Variants in LRP1B observed in about 807,000 individuals in gnomAD.
LRP1B encodes low-density lipoprotein receptor-related protein 1B.
A neutral mutation model predicts 556.6 loss-of-function variants in LRP1B; 217 were observed. That is an observed-to-expected ratio of 0.39 (90% CI 0.35 to 0.44). The LOEUF (loss-of-function observed/expected upper bound fraction) is 0.44. LRP1B is among the 20% of genes least tolerant of loss of function. LRP1B has a pLI of 1.00. For synonymous variants in LRP1B, 2,047 were observed against 1,865.8 expected, an observed-to-expected ratio of 1.10 and a Z score of -2.50; for missense variants, 5,053 against 5,620.8, an observed-to-expected ratio of 0.90 and a Z score of 3.23.
chr2:141,353,126 A>C (rs1282582343), intron 3 of LRP1B, among the ~76,000 whole-genome samples: 4 of 151,934 alleles, frequency 2.6e-5, no homozygotes, highest in Admixed American at 2.6e-4. Flanking sequence ...TCTTGTGGAC[A>C]CAGAAAGATC....
At chr2:141,480,606 T>C (rs1682881984) in intron 2 of LRP1B, 73 bp from the exon 3 acceptor site, 1 of 1,431,542 alleles carries the variant, frequency 7.0e-7, no homozygotes, top group Non-Finnish European at 9.9e-7. Context: ...GCACAAGAAA[T>C]TACTAGCATT....
At chr2:140,971,594 T>A (rs1194488292) in intron 18 of LRP1B, among the ~76,000 whole-genome samples, 1 of 152,134 alleles carries the variant, frequency 6.6e-6, no homozygotes, top group Non-Finnish European at 1.5e-5. Flanking sequence ...TCCCAGCACT[T>A]TGGGAGATGG....
intron 60 of LRP1B, among the ~76,000 whole-genome samples, chr2:140,471,757 C>T (rs948063464): frequency 6.6e-6 from 1 of 152,164 alleles, no homozygotes. Context: ...TCAATAGCTC[C>T]CTGTGACCTA....
At chr2:141,464,557 C>T (rs1419939289) in intron 3 of LRP1B, among the ~76,000 whole-genome samples, 2 of 143,320 alleles carry the variant, frequency 1.4e-5, no homozygotes, top group Non-Finnish European at 3.0e-5. Context: ...GGACTACAGT[C>T]GCCCGCCACC....
At position 140,442,580 on chromosome 2, in the gene LRP1B, C is replaced by T. The variant is rs1208286951; in HGVS notation, c.10338G>A (p.Thr3446=). The T allele has an allele frequency of 3.7e-6, 6 of 1,613,934 alleles. No homozygotes were observed. The highest frequency in any genetic ancestry group is 2.2e-5 in the East Asian group (1 of 44,858). Residue 3446 remains threonine (T), a synonymous_variant, in exon 66 of 91, where the codon ACG becomes ACA. Transcript: ENST00000389484. ...CCCACAGCTTGGAAATGCAATGCTTCGTAGTCTTACACTGGAAATAGTCTG... is the reference window on the plus strand; with the variant it reads ...CCCACAGCTTGGAAATGCAATGCTTTGTAGTCTTACACTGGAAATAGTCTG... ...CSPDYFQCKT[T]KHCISKLWVC...
chr2:140,677,965 T>C (rs1685731959), intron 41 of LRP1B, among the ~76,000 whole-genome samples: 1 of 151,920 alleles, frequency 6.6e-6, no homozygotes, highest in South Asian at 2.1e-4. Context: ...ACTTGCTATG[T>C]TGTGATGGGT....
chr2:141,480,552 G>A lies in LRP1B; in HGVS notation c.206-19C>T, dbSNP rs754926947. 1 of 1,613,182 alleles carries A rather than the reference G, an allele frequency of 6.2e-7. No individual in the cohort carries two copies. Among genetic ancestry groups the A allele is most frequent in the South Asian group, 1.1e-5 (1 of 91,056 alleles). ...TCGGGACCTGAAAAGATGTAAAAAA[G>A]AACAGAATTATGTGTTAGCTTTTCT... On this transcript the variant is annotated intron_variant, in intron 2 of 90. Coordinates refer to ENST00000389484, the MANE Select transcript of LRP1B (RefSeq NM_018557.3).
chr2:140,350,914 C>T lies in LRP1B; in HGVS notation c.11775G>A (p.Gly3925=), dbSNP rs2105116126. 6.2e-7 allele frequency: 1 copy of T among 1,611,144 alleles called. No homozygotes were observed. Among genetic ancestry groups the T allele is most frequent in the South Asian group, 1.1e-5 (1 of 90,974 alleles). ...TATCTCTTTGATAATATACATCCAT[C>T]CCTGTTATTCTTGAATTATGTTCAA... is the stretch of plus-strand genomic sequence containing the variant. ...SHIEHNSRIT[G]MDVYYQRDMI... Residue 3925 remains glycine, a synonymous_variant, in exon 77 of 91, where the codon GGG becomes GGA. Coordinates refer to ENST00000389484, the MANE Select transcript of LRP1B (RefSeq NM_018557.3).
At chr2:141,666,942 T>C (rs1574217024) in intron 2 of LRP1B, among the ~76,000 whole-genome samples, 1 of 152,222 alleles carries the variant, frequency 6.6e-6, no homozygotes, top group African/African-American at 2.4e-5. Flanking sequence ...TTTGAAGTTT[T>C]GCACTGCTGC....
chr2:141,237,354 T>A (rs73962869), intron 5 of LRP1B, among the ~76,000 whole-genome samples: 19 of 45,318 alleles, frequency 4.2e-4, no homozygotes, highest in African/African-American at 8.9e-4. Context: ...TGTTCTAGTG[T>A]TTTTTTTTTT....
At chr2:140,474,281 T>C (rs1172849430) in intron 60 of LRP1B, among the ~76,000 whole-genome samples, 1 of 151,914 alleles carries the variant, frequency 6.6e-6, no homozygotes, top group Non-Finnish European at 1.5e-5. Flanking sequence ...GGCAGAGTAT[T>C]ACTCGATGAT....
chr2:141,566,016 A>G (rs1343034032), intron 2 of LRP1B, among the ~76,000 whole-genome samples: 1 of 152,150 alleles, frequency 6.6e-6, no homozygotes. Context: ...CTAAAGGTGC[A>G]AGGAATGACC....
chr2:140,440,181 A>G (rs1419072444), intron 66 of LRP1B, among the ~76,000 whole-genome samples: 1 of 152,200 alleles, frequency 6.6e-6, no homozygotes, highest in Non-Finnish European at 1.5e-5. Context: ...GAACTCCAAG[A>G]GCATAAGAGA....
At chr2:141,507,035 G>A (rs996234730) in intron 2 of LRP1B, among the ~76,000 whole-genome samples, 2 of 152,118 alleles carry the variant, frequency 1.3e-5, no homozygotes, top group African/African-American at 4.8e-5. Context: ...TACAGAAGGT[G>A]TTTGATTCAT....
chr2:141,488,992 T>C (rs1683226731), intron 2 of LRP1B, among the ~76,000 whole-genome samples: 2 of 151,664 alleles, frequency 1.3e-5, no homozygotes, highest in Admixed American at 6.6e-5. Flanking sequence ...TGTTTGTTTT[T>C]TTGAGACGGG....
intron 25 of LRP1B, among the ~76,000 whole-genome samples, chr2:140,882,603 G>T (rs2105184231): frequency 6.6e-6 from 1 of 152,240 alleles, no homozygotes; most frequent in South Asian, 2.1e-4. Flanking sequence ...AAATGAGGGT[G>T]GCCAATTTGG....
At chr2:141,741,832 T>C (rs991821377) in intron 2 of LRP1B, among the ~76,000 whole-genome samples, 1 of 152,188 alleles carries the variant, frequency 6.6e-6, no homozygotes, top group Non-Finnish European at 1.5e-5. Flanking sequence ...TTTGGTCTCC[T>C]GTGCTTGTGG....
chr2:141,972,440 A>G (rs2105077949), intron 1 of LRP1B, among the ~76,000 whole-genome samples: 1 of 151,714 alleles, frequency 6.6e-6, no homozygotes, highest in African/African-American at 2.4e-5. Flanking sequence ...AACATCTATT[A>G]CTGAAGTTTC....
intron 3 of LRP1B, among the ~76,000 whole-genome samples, chr2:141,464,606 A>ATATATATATATATATTTTTTTTTTTT: frequency 1.1e-5 from 1 of 90,562 alleles, no homozygotes. Flanking sequence ...ATATATATAT[A>ATATATATATATATATTTTTTTTTTTT]TTTTTTTAGT....
Sources: gnomAD v4.1 joint callset for allele counts (sites outside exome capture counted in the v4.1 genomes callset) on GRCh38, gnomAD v4.1.1 for gene constraint, MANE v1.5 for transcripts, NCBI Gene and HGNC (gene_info 2026-07-23, HGNC 2026-07-21) for gene names.